The following LMBRD2 variants were observed in gnomAD, a reference collection of about 807,000 sequenced individuals.
LMBRD2 encodes LMBR1 domain containing 2, also known as G protein-coupled receptor-associated protein LMBRD2.
In LMBRD2, 55 loss-of-function variants were observed where a neutral mutation model predicts 94.4. The ratio of observed to expected loss-of-function variants is 0.58; its 90% CI spans 0.47 to 0.73. The LOEUF (loss-of-function observed/expected upper bound fraction) is 0.73, where lower values mean the gene tolerates loss of function less well. Among genes scored for constraint, LMBRD2 ranks in the 30% least tolerant of loss-of-function variants. The pLI is 0.00. For synonymous variants in LMBRD2, 246 were observed against 272.4 expected (o/e 0.90, Z 0.95); for missense variants, 640 against 831.9 (o/e 0.77, Z 2.84).
In LMBRD2 at chr5:36,109,971, G is replaced by C. The variant is rs201111461; in HGVS notation, c.1765C>G (p.Gln589Glu). The C allele has an allele frequency of 6.2e-7, 1 of 1,607,538 alleles. No individual in the cohort carries two copies. Among genetic ancestry groups the C allele is most frequent in the Admixed American group, 1.7e-5 (1 of 59,798 alleles). The stretch of plus-strand genomic sequence containing the variant: ...CTTCTTCGATTTTCACCTTCTTCTT[G>C]CCTTTGCCTTTTTCTCTTCTCTAAA... The part of the protein sequence containing the change: ...IRKEKRKRQR[Q>E]EEGENRRREW... Residue 589 changes from glutamine to glutamate, a missense_variant, in exon 15 of 18, where the codon CAA (glutamine) becomes GAA (glutamate). Gln to Glu is a conservative substitution (Grantham distance 29). This residue lies in a region of LMBRD2 where 183 missense variants were observed against 189.1 expected (regional missense o/e 0.97). Coordinates refer to ENST00000296603, the MANE Select transcript of LMBRD2 (RefSeq NM_001007527.2).
In LMBRD2 at chr5:36,103,148, T is replaced by G. The variant is rs1743381249; in HGVS notation, c.*898A>C. On this transcript the variant is annotated 3_prime_UTR_variant, in exon 18 of 18. Coordinates refer to ENST00000296603, the MANE Select transcript of LMBRD2 (RefSeq NM_001007527.2). ...TTTTACCTTTGAATAACCAGTTTTT[T>G]TCTCAAAAAGTATAAGCAGGTACCT... 6.6e-6 allele frequency: 1 copy of G among 152,238 alleles called. No homozygotes were observed. The allele number at this position is 152,238 out of a possible 1,614,324, so 9.4% of individuals were successfully genotyped here.
chr5:36,134,060 G>T (rs1744214611), intron 6 of LMBRD2, among the ~76,000 whole-genome samples: 1 of 151,722 alleles, frequency 6.6e-6, no homozygotes, highest in African/African-American at 2.4e-5. Context: ...TGAAATATCA[G>T]TTTTCAATTT....
At chr5:36,142,042 A>G (rs1435944899) in intron 3 of LMBRD2, among the ~76,000 whole-genome samples, 1 of 152,198 alleles carries the variant, frequency 6.6e-6, no homozygotes, top group East Asian at 1.9e-4. Context: ...GACAATTTGA[A>G]CTTTATTAAT....
intron 13 of LMBRD2, among the ~76,000 whole-genome samples, chr5:36,114,071 A>C (rs1279858017): frequency 1.3e-5 from 2 of 152,158 alleles, no homozygotes; most frequent in Non-Finnish European, 2.9e-5. Flanking sequence ...ATGTCATTAG[A>C]AAAAAGCTGG....
chr5:36,127,387 C>CA (rs751323982), intron 6 of LMBRD2, among the ~76,000 whole-genome samples: 1 of 152,158 alleles, frequency 6.6e-6, no homozygotes, highest in Admixed American at 6.5e-5. Context: ...ACTATCCACA[C>CA]AAAAAAGTGC....
chr5:36,114,315 G>A lies in LMBRD2; in HGVS notation c.1640+109C>T, dbSNP rs560111605. The A allele has an allele frequency of 4.5e-6, 6 of 1,338,004 alleles. No individual in the cohort carries two copies. The African/African-American group carries it at 4.7e-5, about 10-fold the overall frequency. The allele number at this position is 1,338,004 out of a possible 1,614,324, so 82.9% of individuals were successfully genotyped here. A position where few individuals can be genotyped will look rare whatever the true frequency, so the allele number is the denominator to read the frequency against. On this transcript the variant is annotated intron_variant, in intron 13 of 17. Transcript: ENST00000296603. ...TCAAACTATCCCCAGCTTCTCCAAAGCTACAATGAAACAAACTGAAACTCA... is the reference window on the plus strand; with the variant it reads ...TCAAACTATCCCCAGCTTCTCCAAAACTACAATGAAACAAACTGAAACTCA...
At chr5:36,137,536 G>T in intron 4 of LMBRD2, 95 bp from the exon 5 acceptor site, 1 of 679,688 alleles carries the variant, frequency 1.5e-6, no homozygotes, top group South Asian at 3.0e-5. Context: ...CAATTTTAAT[G>T]AATAGGTCTT....
chr5:36,120,507 C>T (rs962698912), intron 9 of LMBRD2, among the ~76,000 whole-genome samples: 2 of 152,152 alleles, frequency 1.3e-5, no homozygotes, highest in Admixed American at 1.3e-4. Context: ...GATCTGCCCG[C>T]CTCGGCCTCC....
chr5:36,108,569 T>G lies in LMBRD2; in HGVS notation c.1862A>C (p.Lys621Thr). The change falls in exon 16 of 18, where the codon AAA becomes ACA. Residue 621 changes from lysine to threonine, a missense_variant. By Grantham distance (78) the Lys-to-Thr change is moderately conservative. Around this residue, in one of 2 missense-constraint regions of LMBRD2, gnomAD observed 183 missense variants for 189.1 expected, o/e 0.97. Coordinates refer to ENST00000296603, the MANE Select transcript of LMBRD2 (RefSeq NM_001007527.2). ...TRNRNIHTDP[K>T]ESNFSDVNTN... Reference sequence around the variant, plus strand: ...ATTAACATCTGAGAAGTTTGACTCTTTGGGGTCAGTATGAATATTTCTGTT... The same window carrying G: ...ATTAACATCTGAGAAGTTTGACTCTGTGGGGTCAGTATGAATATTTCTGTT... 3.1e-6 allele frequency: 5 copies of G among 1,594,948 alleles called. No homozygotes were observed. Among genetic ancestry groups the G allele is most frequent in the Non-Finnish European group, 4.3e-6 (5 of 1,166,718 alleles).
At chr5:36,140,671 T>C (rs1013187350) in intron 4 of LMBRD2, among the ~76,000 whole-genome samples, 3 of 152,138 alleles carry the variant, frequency 2.0e-5, no homozygotes, top group Non-Finnish European at 4.4e-5. Flanking sequence ...AGAGTAAAGA[T>C]GATTTTGTTG....
At chr5:36,121,127 C>A (rs1478083550) in intron 9 of LMBRD2, among the ~76,000 whole-genome samples, 1 of 152,110 alleles carries the variant, frequency 6.6e-6, no homozygotes. Flanking sequence ...ATCTTTATGC[C>A]TTTATATGTT....
chr5:36,143,119 C>T, intron 2 of LMBRD2, 57 bp downstream of exon 2: 2 of 1,139,250 alleles, frequency 1.8e-6, no homozygotes, highest in Non-Finnish European at 2.5e-6. Flanking sequence ...TTATTTCCAA[C>T]ATGCTGTATG....
At chr5:36,126,718 C>G (rs1744015727) in intron 6 of LMBRD2, among the ~76,000 whole-genome samples, 1 of 151,930 alleles carries the variant, frequency 6.6e-6, no homozygotes, top group Non-Finnish European at 1.5e-5. Context: ...ATGCATATAT[C>G]AATTTCAGAG....
At position 36,117,767 on chromosome 5, in the gene LMBRD2, C is replaced by A; in HGVS notation, c.1270G>T (p.Ala424Ser). 2 of 1,605,322 alleles carry A rather than the reference C, an allele frequency of 1.2e-6. No individual in the cohort carries two copies. The highest frequency in any genetic ancestry group is 1.7e-6 in the Non-Finnish European group (2 of 1,177,308). The change falls in exon 10 of 18, where the codon GCA becomes TCA. Residue 424 changes from alanine (A) to serine (S), a missense_variant. By Grantham distance (99) the Ala-to-Ser change is moderately conservative (BLOSUM62 1). This residue lies in a region of LMBRD2 where 457 missense variants were observed against 642.8 expected (regional missense o/e 0.71). Coordinates refer to ENST00000296603, the MANE Select transcript of LMBRD2 (RefSeq NM_001007527.2). The part of the protein sequence containing the change: ...LSLFAVFIQL[A>S]EKTYNYIYIE... Reference sequence around the variant, plus strand: ...TAAATATAATTATATGTTTTTTCTGCCAGCTGTATGAAGACCGCAAAGAGG... The same window carrying A: ...TAAATATAATTATATGTTTTTTCTGACAGCTGTATGAAGACCGCAAAGAGG...
chr5:36,122,378 G>C lies in LMBRD2; in HGVS notation c.1022C>G (p.Ala341Gly), dbSNP rs1358508860. The C allele has an allele frequency of 1.2e-6, 2 of 1,612,398 alleles. No homozygotes were observed. The highest frequency in any genetic ancestry group is 1.7e-5 in the Admixed American group (1 of 59,620). The change falls in exon 9 of 18, where the codon GCA becomes GGA. Residue 341 changes from alanine to glycine, a missense_variant. Physicochemically the swap from Ala to Gly is moderately conservative, Grantham distance 60 (BLOSUM62 0). This residue lies in a region of LMBRD2 where 457 missense variants were observed against 642.8 expected (regional missense o/e 0.71). Coordinates refer to ENST00000296603, the MANE Select transcript of LMBRD2 (RefSeq NM_001007527.2). The part of the protein sequence containing the change: ...LEQAFYLEDV[A>G]KNETSATHQF... ...ATGAGTAGCACTAGTTTCATTTTTT[G>C]CTACATCTTCTAGATAAAATGCTTG...
intron 4 of LMBRD2, chr5:36,140,905 A>C (rs1396029602): frequency 1.0e-5 from 4 of 386,778 alleles, no homozygotes; most frequent in Non-Finnish European, 1.9e-5. Context: ...CCAGTTTTAG[A>C]GTGCAGTTGT....
chr5:36,131,403 G>A (rs1049719122), intron 6 of LMBRD2, among the ~76,000 whole-genome samples: 6 of 152,034 alleles, frequency 3.9e-5, no homozygotes, highest in Admixed American at 2.6e-4. Context: ...AAAATTGAAA[G>A]CCTTTCCTTT....
chr5:36,103,972 G>T lies in LMBRD2; in HGVS notation c.*74C>A. On this transcript the variant is annotated 3_prime_UTR_variant, in exon 18 of 18. Transcript: ENST00000296603. The stretch of plus-strand genomic sequence containing the variant: ...TTCACTGTGTATAGAGGAAATTCTA[G>T]GGTACACAGATGTTCATCAAGACTG... 9.7e-7 allele frequency: 1 copy of T among 1,035,376 alleles called. No individual in the cohort carries two copies. 64.1% of individuals were successfully genotyped at this position (1,035,376 alleles called of 1,614,324 possible).
At chr5:36,108,820 C>CA (rs1743535358) in intron 15 of LMBRD2, among the ~76,000 whole-genome samples, 181 bp from the exon 16 acceptor site, 1 of 152,126 alleles carries the variant, frequency 6.6e-6, no homozygotes, top group African/African-American at 2.4e-5. Flanking sequence ...ATTGAAGTCA[C>CA]AGTCTCTATA....
Sources: allele counts gnomAD v4.1 joint callset (sites outside exome capture counted in the v4.1 genomes callset), GRCh38; gene constraint gnomAD v4.1.1; regional missense constraint gnomAD v4.1.1; transcripts MANE v1.5; gene names NCBI Gene and HGNC (gene_info 2026-07-23, HGNC 2026-07-21).